The following RTN4 variants were observed in gnomAD, a reference collection of about 807,000 sequenced individuals.
RTN4 encodes reticulon 4, also known as reticulon-4.
A neutral mutation model predicts 90.4 loss-of-function variants in RTN4; 32 were observed. That is an observed-to-expected ratio of 0.35 (90% CI 0.27 to 0.48). RTN4 has a LOEUF of 0.48. Among genes scored for constraint, RTN4 ranks in the 20% least tolerant of loss-of-function variants. RTN4 has a pLI of 0.99. For missense variants in RTN4, 1,706 were observed against 1,430.2 expected, an observed-to-expected ratio of 1.19 and a Z score of -3.11; for synonymous variants, 629 against 552.5, an observed-to-expected ratio of 1.14 and a Z score of -1.94.
chr2:54,997,105 C>T (rs1679489410), intron 3 of RTN4, among the ~76,000 whole-genome samples: 1 of 152,160 alleles, frequency 6.6e-6, no homozygotes, highest in Admixed American at 6.5e-5. Flanking sequence ...AGAGAAAACA[C>T]TTGCAAACCA....
chr2:55,074,667 C>CA (rs1460836324), intron 2 of RTN4, among the ~76,000 whole-genome samples: 7 of 151,684 alleles, frequency 4.6e-5, no homozygotes, highest in African/African-American at 1.7e-4. Flanking sequence ...AACATAGATA[C>CA]AAAAATCCTC....
At chr2:54,980,202 A>C (rs566603034) in intron 5 of RTN4, among the ~76,000 whole-genome samples, 108 of 152,338 alleles carry the variant, frequency 7.1e-4, no homozygotes, top group African/African-American at 2.2e-3. Flanking sequence ...AAAATATAAG[A>C]TTTAACAAAG....
chr2:54,997,523 A>G (rs1357481594), intron 3 of RTN4, among the ~76,000 whole-genome samples: 1 of 152,260 alleles, frequency 6.6e-6, no homozygotes, highest in Non-Finnish European at 1.5e-5. Flanking sequence ...CCAAGAAACT[A>G]GAAAACACAA....
chr2:55,108,644 GC>G (rs1558883366), intron 1 of RTN4, among the ~76,000 whole-genome samples: 1 of 152,012 alleles, frequency 6.6e-6, no homozygotes, highest in Non-Finnish European at 1.5e-5. Flanking sequence ...AAGCCACAGG[GC>G]CATGCCCCTA....
chr2:55,036,042 A>G (rs140845729), intron 1 of RTN4, among the ~76,000 whole-genome samples: 171 of 152,312 alleles, frequency 1.1e-3, no homozygotes, highest in African/African-American at 4.0e-3. Context: ...AATGAATAGT[A>G]CCAACCTTAC....
At chr2:54,995,255 AT>A (rs1222551449) in intron 3 of RTN4, among the ~76,000 whole-genome samples, 4 of 152,012 alleles carry the variant, frequency 2.6e-5, no homozygotes, top group Non-Finnish European at 5.9e-5. Context: ...AAAAAAAAAA[AT>A]CTAAATAAAG....
intron 4 of RTN4, 97 bp from the exon 5 acceptor site, chr2:54,982,750 T>G (rs1033109414): frequency 2.9e-6 from 4 of 1,368,742 alleles, no homozygotes; most frequent in Non-Finnish European, 4.0e-6. Flanking sequence ...TAAGAAAATA[T>G]TCTACTATAA....
In RTN4 at chr2:54,973,028, T is replaced by TAAAG. The variant is rs1271989575; in HGVS notation, c.*124_*127dup. On this transcript the variant is annotated 3_prime_UTR_variant, in exon 9 of 9. Coordinates refer to ENST00000337526, the MANE Select transcript of RTN4 (RefSeq NM_020532.5). ...CCTCACAACAGTGCATGGCTAAAAATAAAGATCTAACAACGATCTGTGAAA... is the reference window on the plus strand; with the variant it reads ...CCTCACAACAGTGCATGGCTAAAAATAAAGAAAGATCTAACAACGATCTGTGAAA... The TAAAG allele has an allele frequency of 4.4e-5, 31 of 705,336 alleles. No homozygotes were observed. The highest frequency in any genetic ancestry group is 3.0e-4 in the African/African-American group (17 of 56,318). The allele number at this position is 705,336 out of a possible 1,614,324, so 43.7% of individuals were successfully genotyped here.
intron 2 of RTN4, among the ~76,000 whole-genome samples, chr2:55,064,562 G>A (rs1359943133): frequency 6.6e-6 from 1 of 152,094 alleles, no homozygotes; most frequent in Non-Finnish European, 1.5e-5. Flanking sequence ...TGTTGGTGAG[G>A]TTGGTCTCAA....
At chr2:55,065,612 G>A (rs969238895) in intron 2 of RTN4, among the ~76,000 whole-genome samples, 8 of 152,038 alleles carry the variant, frequency 5.3e-5, no homozygotes, top group Non-Finnish European at 7.4e-5. Flanking sequence ...CACTACACAC[G>A]CTAATATAAC....
rs1573477117 is a variant in RTN4, at chr2:55,049,308, G to C, written c.556+437C>G. ...CAGCAAAACTGCACCTTTTCCAAAG[G>C]AGCAACCCAGACGGGTAGACAAAAG... On this transcript the variant is annotated intron_variant, in intron 1 of 8. Transcript: ENST00000337526. 1.0e-5 allele frequency: 3 copies of C among 298,406 alleles called. No individual in the cohort carries two copies. In the South Asian group the frequency reaches 3.2e-4, roughly 32 times the overall value. The allele number at this position is 298,406 out of a possible 1,614,324, so 18.5% of individuals were successfully genotyped here. A position where few individuals can be genotyped will look rare whatever the true frequency, so the allele number is the denominator to read the frequency against.
At chr2:55,004,112 G>A (rs1680038669) in intron 3 of RTN4, among the ~76,000 whole-genome samples, 1 of 152,092 alleles carries the variant, frequency 6.6e-6, no homozygotes, top group Non-Finnish European at 1.5e-5. Flanking sequence ...CTCCCACTAG[G>A]TTTAACCTTT....
chr2:55,109,766 G>A (rs1202299842), intron 1 of RTN4, among the ~76,000 whole-genome samples: 1 of 152,150 alleles, frequency 6.6e-6, no homozygotes, highest in African/African-American at 2.4e-5. Context: ...AGTGCCCTTT[G>A]GCAAACAGGA....
chr2:54,978,423 T>A, intron 5 of RTN4, among the ~76,000 whole-genome samples: 2 of 110,716 alleles, frequency 1.8e-5, no homozygotes, highest in South Asian at 3.0e-4. Flanking sequence ...ACAGCGAGAC[T>A]CTATCTCCAA....
intron 3 of RTN4, among the ~76,000 whole-genome samples, chr2:55,021,525 A>G (rs990709143): frequency 2.1e-5 from 3 of 144,278 alleles, no homozygotes; most frequent in African/African-American, 7.8e-5. Context: ...GTCTCACTAT[A>G]TTGCCCAGGC....
At chr2:55,010,648 T>G (rs1680565941) in intron 3 of RTN4, among the ~76,000 whole-genome samples, 1 of 152,208 alleles carries the variant, frequency 6.6e-6, no homozygotes, top group Non-Finnish European at 1.5e-5. Context: ...TAGCCTAAAT[T>G]TCAAGCTTGT....
intron 5 of RTN4, 46 bp downstream of exon 5, chr2:54,982,469 T>C: frequency 2.6e-6 from 4 of 1,535,588 alleles, no homozygotes; most frequent in Non-Finnish European, 3.5e-6. Context: ...ACTCTCTTGA[T>C]ACTAAATTCT....
intron 2 of RTN4, among the ~76,000 whole-genome samples, chr2:55,058,783 G>A (rs777499127): frequency 5.9e-5 from 9 of 152,176 alleles, no homozygotes; most frequent in African/African-American, 1.4e-4. Flanking sequence ...TTTCAGTCAC[G>A]TGGCAGCTCT....
chr2:55,089,387 A>C (rs370009629), intron 1 of RTN4, among the ~76,000 whole-genome samples: 41 of 152,198 alleles, frequency 2.7e-4, no homozygotes, highest in African/African-American at 8.9e-4. Context: ...TAAAGCCTTC[A>C]CTCTGGGCTA....
Sources: allele counts gnomAD v4.1 joint callset (sites outside exome capture counted in the v4.1 genomes callset), GRCh38; gene constraint gnomAD v4.1.1; transcripts MANE v1.5; gene names NCBI Gene and HGNC (gene_info 2026-07-23, HGNC 2026-07-21).